Variants in SGCZ observed in about 807,000 individuals in gnomAD.
SGCZ encodes the protein sarcoglycan zeta.
A neutral mutation model predicts 41.3 loss-of-function variants in SGCZ; 40 were observed. That is an observed-to-expected ratio of 0.97 (90% CI 0.75 to 1.26). The LOEUF (loss-of-function observed/expected upper bound fraction) is 1.26, where lower values mean the gene tolerates loss of function less well. SGCZ is among the 50% of genes most tolerant of loss of function. SGCZ has a pLI of 0.00. For missense variants in SGCZ, 552 were observed against 369.8 expected (o/e 1.49, Z -4.04); for synonymous variants, 206 against 137.5 (o/e 1.50, Z -3.49).
rs1170023550 is a variant in SGCZ at position 14,668,031 on chromosome 8, A to G, written c.40-113105T>C. Among the ~76,000 whole-genome samples, 3 of 152,208 alleles carry G rather than the reference A, an allele frequency of 2.0e-5. No individual in the cohort carries two copies. In the East Asian group the frequency reaches 5.8e-4, roughly 29 times the overall value. ...TAGTGCAGTGGCACAATCCCGGCTC[A>G]CTGCAACCTCCGCCTCCCAGGTTCA... is the stretch of plus-strand genomic sequence containing the variant. On this transcript the variant is annotated intron_variant, in intron 1 of 7. Coordinates refer to ENST00000382080, the MANE Select transcript of SGCZ (RefSeq NM_139167.4).
At chr8:14,760,765 T>C (rs938832116) in intron 1 of SGCZ, among the ~76,000 whole-genome samples, 13 of 152,212 alleles carry the variant, frequency 8.5e-5, no homozygotes, top group African/African-American at 2.9e-4. Context: ...TTCACAGAAA[T>C]TATCTCTAAT....
At chr8:14,327,663 A>G (rs1473788428) in intron 2 of SGCZ, among the ~76,000 whole-genome samples, 2 of 152,210 alleles carry the variant, frequency 1.3e-5, no homozygotes. Flanking sequence ...TGGAGTTTTC[A>G]GTCTTGAGCT....
At chr8:14,200,498 C>A (rs1585225047) in intron 4 of SGCZ, among the ~76,000 whole-genome samples, 1 of 152,092 alleles carries the variant, frequency 6.6e-6, no homozygotes, top group African/African-American at 2.4e-5. Flanking sequence ...TTTAAAAGGA[C>A]TGACCAATCG....
At chr8:14,827,362 A>T (rs1802370065) in intron 1 of SGCZ, among the ~76,000 whole-genome samples, 1 of 150,516 alleles carries the variant, frequency 6.6e-6, no homozygotes, top group Non-Finnish European at 1.5e-5. Flanking sequence ...TCAGCCTCCC[A>T]AGTAGCTGGG....
At chr8:14,629,225 G>C (rs955990947) in intron 1 of SGCZ, among the ~76,000 whole-genome samples, 3 of 152,058 alleles carry the variant, frequency 2.0e-5, no homozygotes, top group Non-Finnish European at 2.9e-5. Context: ...CTTCACTGTA[G>C]AATGGAGTTA....
At chr8:14,637,885 G>T (rs937050389) in intron 1 of SGCZ, among the ~76,000 whole-genome samples, 2 of 151,792 alleles carry the variant, frequency 1.3e-5, no homozygotes, top group African/African-American at 4.8e-5. Context: ...AGTCCTTTGA[G>T]AAGTCTGCAA....
intron 1 of SGCZ, among the ~76,000 whole-genome samples, chr8:14,746,298 T>C (rs766028064): frequency 1.3e-5 from 2 of 152,162 alleles, no homozygotes; most frequent in African/African-American, 4.8e-5. Flanking sequence ...ACGTTCCACA[T>C]TGCGTAAGTT....
At chr8:14,218,542 T>A (rs2117114532) in intron 4 of SGCZ, among the ~76,000 whole-genome samples, 1 of 152,346 alleles carries the variant, frequency 6.6e-6, no homozygotes, top group Non-Finnish European at 1.5e-5. Context: ...TAATTGCAGT[T>A]TTGCATTGTT....
At chr8:14,962,749 G>C (rs1801003057) in intron 1 of SGCZ, among the ~76,000 whole-genome samples, 1 of 152,152 alleles carries the variant, frequency 6.6e-6, no homozygotes, top group Non-Finnish European at 1.5e-5. Context: ...ACATGATAAG[G>C]ATCAATGCAA....
chr8:14,985,680 A>C (rs1801805980), intron 1 of SGCZ, among the ~76,000 whole-genome samples: 2 of 152,168 alleles, frequency 1.3e-5, no homozygotes, highest in African/African-American at 4.8e-5. Context: ...GGATGGGCTC[A>C]AGTAGAGGGC....
chr8:14,150,915 G>C (rs1803687248), intron 5 of SGCZ, among the ~76,000 whole-genome samples: 1 of 152,134 alleles, frequency 6.6e-6, no homozygotes, highest in Non-Finnish European at 1.5e-5. Context: ...AGTGAACTAA[G>C]CCAGGCACAG....
intron 1 of SGCZ, among the ~76,000 whole-genome samples, chr8:14,781,991 T>A (rs117610742): frequency 6.6e-6 from 1 of 152,178 alleles, no homozygotes; most frequent in African/African-American, 2.4e-5. Context: ...AACTTGTAAA[T>A]TGAACCATCC....
chr8:14,902,854 G>A (rs960420702), intron 1 of SGCZ, among the ~76,000 whole-genome samples: 2 of 151,984 alleles, frequency 1.3e-5, no homozygotes, highest in South Asian at 2.1e-4. Flanking sequence ...TTTCAATTTT[G>A]CTATAATAAA....
chr8:14,458,964 C>T (rs1357734578), intron 2 of SGCZ, among the ~76,000 whole-genome samples: 4 of 152,060 alleles, frequency 2.6e-5, no homozygotes, highest in African/African-American at 9.7e-5. Context: ...AAGGAAATGT[C>T]AAAAGGACAT....
intron 5 of SGCZ, among the ~76,000 whole-genome samples, chr8:14,152,151 G>T (rs1343952635): frequency 6.6e-6 from 1 of 150,516 alleles, no homozygotes; most frequent in Admixed American, 6.7e-5. Context: ...AGCTATGAGA[G>T]TAGGATAAAA....
At chr8:15,094,439 G>C (rs1267887894) in intron 1 of SGCZ, among the ~76,000 whole-genome samples, 1 of 152,104 alleles carries the variant, frequency 6.6e-6, no homozygotes, top group Non-Finnish European at 1.5e-5. Flanking sequence ...CCAGCAACAG[G>C]CCAGTTGCTT....
In SGCZ at chr8:15,207,842, A is replaced by G. The variant is rs138670539; in HGVS notation, c.39+29743T>C. ...AATAATCTGAATAAGCTCAAAAGGA[A>G]GTTTGACATAGAAAATATACCTGTT... On this transcript the variant is annotated intron_variant, in intron 1 of 7. Transcript: ENST00000382080. 2.2e-3 allele frequency among the ~76,000 whole-genome samples: 339 copies of G among 152,322 alleles called. 2 individuals are homozygous for G. The highest frequency in any genetic ancestry group is 7.9e-3 in the African/African-American group (330 of 41,566).
chr8:14,965,212 T>A (rs1481376250), intron 1 of SGCZ, among the ~76,000 whole-genome samples: 1 of 152,130 alleles, frequency 6.6e-6, no homozygotes, highest in Non-Finnish European at 1.5e-5. Context: ...CTGACCTGAT[T>A]ATGAATCTAA....
At chr8:15,095,419 T>C (rs1317132334) in intron 1 of SGCZ, among the ~76,000 whole-genome samples, 1 of 152,218 alleles carries the variant, frequency 6.6e-6, no homozygotes, top group Non-Finnish European at 1.5e-5. Context: ...TTTAACTGGA[T>C]AACATTTCAT....
Sources: allele counts gnomAD v4.1 joint callset (sites outside exome capture counted in the v4.1 genomes callset), GRCh38; gene constraint gnomAD v4.1.1; transcripts MANE v1.5; gene names NCBI Gene and HGNC (gene_info 2026-07-23, HGNC 2026-07-21).